Variants in PPP2R1A observed in about 807,000 individuals in gnomAD.
The protein encoded by PPP2R1A is serine/threonine-protein phosphatase 2A 65 kDa regulatory subunit A alpha isoform.
PPP2R1A carries 15 observed loss-of-function variants against 67.1 expected under a neutral mutation model. That is an observed-to-expected ratio of 0.22 (90% CI 0.15 to 0.34). The LOEUF (loss-of-function observed/expected upper bound fraction) is 0.34. Ranked by LOEUF, PPP2R1A falls within the 10% of genes least tolerant of loss-of-function variation. The pLI is 1.00. For synonymous variants in PPP2R1A, 337 were observed against 325.0 expected, an observed-to-expected ratio of 1.04 and a Z score of -0.40; for missense variants, 369 against 775.0, an observed-to-expected ratio of 0.48 and a Z score of 6.22.
chr19:52,202,547 C>T (rs2089560748), intron 2 of PPP2R1A, among the ~76,000 whole-genome samples: 1 of 152,216 alleles, frequency 6.6e-6, no homozygotes, highest in Non-Finnish European at 1.5e-5. Context: ...GATCTCACAG[C>T]AGTGCTTTAA....
At chr19:52,225,563 C>T (rs1056358535) in intron 13 of PPP2R1A, among the ~76,000 whole-genome samples, 154 bp from the exon 14 acceptor site, 1 of 152,044 alleles carries the variant, frequency 6.6e-6, no homozygotes, top group Non-Finnish European at 1.5e-5. Context: ...ATTTCTAATT[C>T]CTGTGTGTGC....
At chr19:52,198,063 T>TC (rs1441785877) in intron 1 of PPP2R1A, among the ~76,000 whole-genome samples, 2 of 152,204 alleles carry the variant, frequency 1.3e-5, no homozygotes, top group Non-Finnish European at 2.9e-5. Context: ...TTATTAATCT[T>TC]CCCCTGGTGC....
rs1385776558 is a variant in PPP2R1A at position 52,227,855 on chromosome 19, G to A, written c.*1874G>A. 6.6e-6 allele frequency: 1 copy of A among 152,166 alleles called. No homozygotes were observed. The highest frequency in any genetic ancestry group is 2.4e-5 in the African/African-American group (1 of 41,410). 9.4% of individuals were successfully genotyped at this position (152,166 alleles called of 1,614,324 possible). A position where few individuals can be genotyped will look rare whatever the true frequency, so the allele number is the denominator to read the frequency against. ...ACATTAAACTTTGACTTTCCCCATG[G>A]TTAACGCTGCTGGTCCATTGTAACA... On this transcript the variant is annotated 3_prime_UTR_variant, in exon 15 of 15. Coordinates refer to ENST00000322088, the MANE Select transcript of PPP2R1A (RefSeq NM_014225.6).
At chr19:52,222,479 A>C in intron 13 of PPP2R1A, 2 of 437,242 alleles carry the variant, frequency 4.6e-6, no homozygotes, top group Non-Finnish European at 3.9e-6. Flanking sequence ...ACAAGTCATT[A>C]GAAAATGAAA....
intron 1 of PPP2R1A, among the ~76,000 whole-genome samples, chr19:52,194,005 C>T (rs1324931763): frequency 7.0e-6 from 1 of 142,280 alleles, no homozygotes; most frequent in African/African-American, 2.6e-5. Context: ...CCCAGCTGCT[C>T]AGGAGACTGA....
chr19:52,221,240 G>A lies in PPP2R1A; in HGVS notation c.1518+107G>A, dbSNP rs1207698770. On this transcript the variant is annotated intron_variant, in intron 12 of 14. Transcript: ENST00000322088. ...GGGAGACACCTGGCTTGGGAATGGA[G>A]ACATGGAGTGCATCTTCTATCCAGA... The A allele has an allele frequency of 2.8e-6, 4 of 1,450,774 alleles. No homozygotes were observed. The African/African-American group carries it at 5.6e-5, about 20-fold the overall frequency. The allele number at this position is 1,450,774 out of a possible 1,614,324, so 89.9% of individuals were successfully genotyped here.
chr19:52,224,425 A>G (rs1213513339), intron 13 of PPP2R1A, among the ~76,000 whole-genome samples: 1 of 152,130 alleles, frequency 6.6e-6, no homozygotes, highest in African/African-American at 2.4e-5. Flanking sequence ...CTCCCCTCTT[A>G]CGTACCAGTT....
chr19:52,215,729 A>G (rs1271343990), intron 6 of PPP2R1A, 50 bp from the exon 7 acceptor site: 2 of 1,518,974 alleles, frequency 1.3e-6, no homozygotes, highest in Non-Finnish European at 9.1e-7. Flanking sequence ...CTTAGCCCAG[A>G]GTAAACTGCC....
rs1978414005 is a variant in PPP2R1A, at chr19:52,213,958, C to A, written c.807+848C>A. 6.6e-6 allele frequency among the ~76,000 whole-genome samples: 1 copy of A among 152,090 alleles called. No individual in the cohort carries two copies. Among genetic ancestry groups the A allele is most frequent in the South Asian group, 2.1e-4 (1 of 4,832 alleles). ...ATTTGCTGGGCCAGTGAATTCGGAT[C>A]ATTCCTGGCCTTCATGGAGCTAGGC... is the stretch of plus-strand genomic sequence containing the variant. On this transcript the variant is annotated intron_variant, in intron 6 of 14. Coordinates refer to ENST00000322088, the MANE Select transcript of PPP2R1A (RefSeq NM_014225.6). The surrounding 1 kb of genome is among the most constrained non-coding windows in gnomAD (Gnocchi z 4.2).
At chr19:52,215,100 G>A (rs1978485274) in intron 6 of PPP2R1A, among the ~76,000 whole-genome samples, 1 of 152,144 alleles carries the variant, frequency 6.6e-6, no homozygotes, top group South Asian at 2.1e-4. Flanking sequence ...CCATCACCCA[G>A]GCTGGAGTGC....
At position 52,216,437 on chromosome 19, in the gene PPP2R1A, A is replaced by G; in HGVS notation, c.994-92A>G. 5 of 1,488,214 alleles carry G rather than the reference A, an allele frequency of 3.4e-6. No homozygotes were observed. Among genetic ancestry groups the G allele is most frequent in the Non-Finnish European group, 4.6e-6 (5 of 1,082,050 alleles). The allele number at this position is 1,488,214 out of a possible 1,614,324, so 92.2% of individuals were successfully genotyped here. ...CTCTATGAATGAGAGGGGCAGAAGC[A>G]GGTTATTGTCTCTTAGGAGTTGGCA... On this transcript the variant is annotated intron_variant, in intron 8 of 14. Transcript: ENST00000322088. This position sits in a 1 kb window ranked among gnomAD's most constrained non-coding sequence, Gnocchi z 4.3.
chr19:52,220,691 A>G (rs1978862169), intron 11 of PPP2R1A, among the ~76,000 whole-genome samples: 1 of 152,200 alleles, frequency 6.6e-6, no homozygotes, highest in African/African-American at 2.4e-5. Flanking sequence ...GTTTGAAGTA[A>G]TAAGTGCCAC....
intron 3 of PPP2R1A, among the ~76,000 whole-genome samples, chr19:52,210,112 A>T (rs1400346797): frequency 6.6e-6 from 1 of 151,904 alleles, no homozygotes; most frequent in East Asian, 1.9e-4. Context: ...TTCCTGCTTT[A>T]AATACCTGTC....
At chr19:52,194,877 A>G (rs1000325355) in intron 1 of PPP2R1A, among the ~76,000 whole-genome samples, 1 of 152,184 alleles carries the variant, frequency 6.6e-6, no homozygotes. Flanking sequence ...GAAATGGGGC[A>G]TCTGGGGAAC....
Position 52,226,852 on chromosome 19 carries a change from AGT to A in PPP2R1A, c.*876_*877del, listed in dbSNP as rs1302697895. Reference sequence around the variant, plus strand: ...GGACCAAGTGAATTAGTACCTGGAAAGTGTGTAACAGTTTCAACATGAGAAGT... The same window carrying A: ...GGACCAAGTGAATTAGTACCTGGAAAGTGTAACAGTTTCAACATGAGAAGT... On this transcript the variant is annotated 3_prime_UTR_variant, in exon 15 of 15. Coordinates refer to ENST00000322088, the MANE Select transcript of PPP2R1A (RefSeq NM_014225.6). 6.6e-6 allele frequency: 1 copy of A among 152,202 alleles called. No homozygotes were observed. Among genetic ancestry groups the A allele is most frequent in the East Asian group, 1.9e-4 (1 of 5,190 alleles). The allele number at this position is 152,202 out of a possible 1,614,324, so 9.4% of individuals were successfully genotyped here.
At position 52,226,446 on chromosome 19, in the gene PPP2R1A, T is replaced by C. The variant is rs2162779; in HGVS notation, c.*465T>C. The C allele has an allele frequency of 8.0e-6, 2 of 249,868 alleles. No individual in the cohort carries two copies. Among genetic ancestry groups the C allele is most frequent in the Non-Finnish European group, 1.6e-5 (2 of 128,876 alleles). 15.5% of individuals were successfully genotyped at this position (249,868 alleles called of 1,614,324 possible). Reference sequence around the variant, plus strand: ...TGGTCCTCTGGCCTTAGTCATCAGCTTGGAGGAGGGGGCACCACCCCAGAG... The same window carrying C: ...TGGTCCTCTGGCCTTAGTCATCAGCCTGGAGGAGGGGGCACCACCCCAGAG... On this transcript the variant is annotated 3_prime_UTR_variant, in exon 15 of 15. Transcript: ENST00000322088.
At chr19:52,225,011 CTTTTTTTTTTTT>C (rs61015844) in intron 13 of PPP2R1A, among the ~76,000 whole-genome samples, 8 of 101,082 alleles carry the variant, frequency 7.9e-5, no homozygotes, top group African/African-American at 3.4e-4. Flanking sequence ...TTGAGTTTAC[CTTTTTTTTTTTT>C]TTTTTTTTTT....
At chr19:52,191,311 A>ATAAAATATGGGC (rs2089452754) in intron 1 of PPP2R1A, 1 of 152,252 alleles carries the variant, frequency 6.6e-6, no homozygotes, top group Non-Finnish European at 1.5e-5. Context: ...TCTGTGTTCC[A>ATAAAATATGGGC]TAAAATATGG....
At position 52,216,731 on chromosome 19, in the gene PPP2R1A, G is replaced by A; in HGVS notation, c.1128+68G>A. 1 of 1,604,298 alleles carries A rather than the reference G, an allele frequency of 6.2e-7. No individual in the cohort carries two copies. The stretch of plus-strand genomic sequence containing the variant: ...AGGCGGGTCTTCCTAGATTGCTAGG[G>A]TTTACCTAGATTGACCAGGAATCTG... On this transcript the variant is annotated intron_variant, in intron 9 of 14. Coordinates refer to ENST00000322088, the MANE Select transcript of PPP2R1A (RefSeq NM_014225.6). The surrounding 1 kb of genome is among the most constrained non-coding windows in gnomAD (Gnocchi z 4.3).
Sources: allele counts gnomAD v4.1 joint callset (sites outside exome capture counted in the v4.1 genomes callset), GRCh38; gene constraint gnomAD v4.1.1; non-coding constraint Gnocchi (gnomAD v3.1); transcripts MANE v1.5; gene names NCBI Gene and HGNC (gene_info 2026-07-23, HGNC 2026-07-21).